The following ACAD11 variants were observed in gnomAD, a reference collection of about 807,000 sequenced individuals.
The protein encoded by ACAD11 is acyl-Coenzyme A dehydrogenase family, member 11.
ACAD11 carries 83 observed loss-of-function variants against 102.2 expected under a neutral mutation model. The ratio of observed to expected loss-of-function variants is 0.81; its 90% CI spans 0.68 to 0.97. The LOEUF (loss-of-function observed/expected upper bound fraction) is 0.97, where lower values mean the gene tolerates loss of function less well. Ranked by LOEUF, ACAD11 falls within the 50% of genes least tolerant of loss-of-function variation. ACAD11 has a pLI of 0.00. For missense variants in ACAD11, 901 were observed against 951.7 expected (o/e 0.95, Z 0.70); for synonymous variants, 324 against 319.8 (o/e 1.01, Z -0.14).
chr3:132,633,947 AAAAACCCTAG>A (rs1940160257), intron 5 of ACAD11, among the ~76,000 whole-genome samples: 1 of 151,938 alleles, frequency 6.6e-6, no homozygotes, highest in Non-Finnish European at 1.5e-5. Flanking sequence ...CTAAAACCAT[AAAAACCCTAG>A]AAGAAAACCT....
chr3:132,622,591 T>C (rs1006494789), intron 9 of ACAD11, among the ~76,000 whole-genome samples: 2 of 152,208 alleles, frequency 1.3e-5, no homozygotes, highest in Non-Finnish European at 2.9e-5. Context: ...CTAAATTTTA[T>C]CCATTTAGAT....
intron 13 of ACAD11, among the ~76,000 whole-genome samples, chr3:132,591,159 T>C (rs1938058515): frequency 6.6e-6 from 1 of 152,200 alleles, no homozygotes; most frequent in African/African-American, 2.4e-5. Context: ...AAGTCTCTAA[T>C]TCATTTTGAA....
Position 132,630,465 on chromosome 3 carries a change from G to A in ACAD11, c.935C>T (p.Ser312Leu). The A allele has an allele frequency of 6.2e-7, 1 of 1,613,110 alleles. No individual in the cohort carries two copies. Among genetic ancestry groups the A allele is most frequent in the African/African-American group, 1.3e-5 (1 of 74,994 alleles). ...TGCTATTCCAGCCATCTTAAAATAT[G>A]AAAGGGCAAGAAAGAAATTCCAGTT... ...LPNWNFFLAL[S>L]YFKMAGIAQG... is the part of the protein sequence containing the mutation. Residue 312 changes from serine to leucine, a missense_variant, in exon 7 of 20, where the codon TCA becomes TTA. Physicochemically the swap from Ser to Leu is moderately radical, Grantham distance 145 (BLOSUM62 -2). Transcript: ENST00000264990.
At chr3:132,616,923 C>T (rs1489713649) in intron 11 of ACAD11, among the ~76,000 whole-genome samples, 1 of 152,166 alleles carries the variant, frequency 6.6e-6, no homozygotes, top group Non-Finnish European at 1.5e-5. Flanking sequence ...TATCAGAAAT[C>T]TACAAACTAT....
chr3:132,645,887 C>T (rs17348055), intron 1 of ACAD11: 14,001 of 152,240 alleles, frequency 0.092, 804 homozygotes, highest in Middle Eastern at 0.14. Context: ...AGATAATCAC[C>T]AGTGGTCAGG....
chr3:132,620,973 G>C (rs2107850379), intron 9 of ACAD11, among the ~76,000 whole-genome samples: 1 of 152,276 alleles, frequency 6.6e-6, no homozygotes, highest in East Asian at 1.9e-4. Context: ...TTGGAAGAAA[G>C]ACCTGAAGAA....
chr3:132,630,770 A>C (rs1940007758), intron 6 of ACAD11, among the ~76,000 whole-genome samples: 1 of 152,220 alleles, frequency 6.6e-6, no homozygotes, highest in Admixed American at 6.5e-5. Flanking sequence ...CTAAGTTCAG[A>C]AAATTTAACG....
intron 8 of ACAD11, 104 bp from the exon 9 acceptor site, chr3:132,626,921 T>C: frequency 4.4e-6 from 5 of 1,132,494 alleles, no homozygotes; most frequent in Non-Finnish European, 6.1e-6. Flanking sequence ...CCAAAAAACA[T>C]CCCCCAGAAG....
intron 18 of ACAD11, 152 bp downstream of exon 18, chr3:132,560,949 G>T: frequency 1.6e-6 from 1 of 610,970 alleles, no homozygotes; most frequent in Non-Finnish European, 3.0e-6. Flanking sequence ...ACTAGCAAGT[G>T]ACAGGCATTT....
chr3:132,589,311 T>A (rs562221399), intron 13 of ACAD11, among the ~76,000 whole-genome samples: 1 of 152,316 alleles, frequency 6.6e-6, no homozygotes, highest in East Asian at 1.9e-4. Flanking sequence ...TTAGGATGAT[T>A]TAATGGCAGA....
chr3:132,559,164 G>T (rs899900331), intron 19 of ACAD11, 79 bp from the exon 20 acceptor site: 1 of 970,082 alleles, frequency 1.0e-6, no homozygotes, highest in Non-Finnish European at 1.6e-6. Flanking sequence ...CACTCTGATT[G>T]TCAACCAAGA....
intron 5 of ACAD11, 82 bp downstream of exon 5, chr3:132,639,410 C>T: frequency 7.2e-7 from 1 of 1,387,014 alleles, no homozygotes; most frequent in South Asian, 1.5e-5. Flanking sequence ...TGGGCTCCCT[C>T]AGTGCTCTGG....
intron 7 of ACAD11, among the ~76,000 whole-genome samples, chr3:132,629,001 A>G (rs768588045): frequency 4.6e-5 from 7 of 152,106 alleles, no homozygotes; most frequent in South Asian, 2.1e-4. Context: ...AACAAACATC[A>G]CTGTGTCTTC....
intron 4 of ACAD11, 82 bp from the exon 5 acceptor site, chr3:132,639,738 A>C (rs1164219436): frequency 7.4e-7 from 1 of 1,357,180 alleles, no homozygotes; most frequent in Non-Finnish European, 1.0e-6. Context: ...AACAAAATTC[A>C]AATGCTGTTT....
chr3:132,658,551 T>C (rs1937941528), intron 1 of ACAD11, among the ~76,000 whole-genome samples: 1 of 152,218 alleles, frequency 6.6e-6, no homozygotes, highest in Non-Finnish European at 1.5e-5. Context: ...GCAATTGAAA[T>C]AGTTGAAATT....
chr3:132,616,305 C>T (rs1939407336), intron 11 of ACAD11, among the ~76,000 whole-genome samples: 1 of 152,106 alleles, frequency 6.6e-6, no homozygotes, highest in African/African-American at 2.4e-5. Context: ...AGAGAAAAAT[C>T]CATGACCATC....
At chr3:132,650,049 G>A (rs999372294) in intron 1 of ACAD11, 1 of 152,222 alleles carries the variant, frequency 6.6e-6, no homozygotes, top group Admixed American at 6.5e-5. Flanking sequence ...AGGCATAGAA[G>A]TACAAAGCTG....
Position 132,639,588 on chromosome 3 carries a change from C to A in ACAD11, c.606G>T (p.Ser202=). ...HQDIPAMQQL[S]EWLMKNLPDN... ...CGGGCAAGTTCTTCATTAGCCACTC[C>A]GATAGCTGTTGCATGGCAGGGATGT... The change falls in exon 5 of 20, where the codon TCG becomes TCT. Residue 202 remains serine, a synonymous_variant. Transcript: ENST00000264990. The A allele has an allele frequency of 6.2e-7, 1 of 1,613,710 alleles. No homozygotes were observed. Among genetic ancestry groups the A allele is most frequent in the Non-Finnish European group, 8.5e-7 (1 of 1,179,864 alleles).
intron 17 of ACAD11, among the ~76,000 whole-genome samples, chr3:132,564,742 GA>G (rs1358865544): frequency 6.6e-6 from 1 of 152,148 alleles, no homozygotes; most frequent in Non-Finnish European, 1.5e-5. Flanking sequence ...AACAAGGATG[GA>G]ATCGATATAT....
Sources: gnomAD v4.1 joint callset for allele counts (sites outside exome capture counted in the v4.1 genomes callset) on GRCh38, gnomAD v4.1.1 for gene constraint, MANE v1.5 for transcripts, NCBI Gene and HGNC (gene_info 2026-07-23, HGNC 2026-07-21) for gene names.